Variants in HDAC9 observed in about 807,000 individuals in gnomAD.
The protein encoded by HDAC9 is MEF-2 interacting transcription repressor (MITR) protein.
In HDAC9, 41 loss-of-function variants were observed where a neutral mutation model predicts 139.4. The observed-to-expected ratio is 0.29, with a 90% CI of 0.23 to 0.38. HDAC9 has a LOEUF of 0.38. Among genes scored for constraint, HDAC9 ranks in the 10% least tolerant of loss-of-function variants. The pLI is 1.00. For missense variants in HDAC9, 1,147 were observed against 1,297.0 expected, an observed-to-expected ratio of 0.88 and a Z score of 1.78; for synonymous variants, 517 against 476.2, an observed-to-expected ratio of 1.09 and a Z score of -1.12.
At chr7:18,539,238 G>A (rs1172843762) in intron 2 of HDAC9, among the ~76,000 whole-genome samples, 3 of 152,136 alleles carry the variant, frequency 2.0e-5, no homozygotes, top group African/African-American at 7.2e-5. Flanking sequence ...GTGATAGGAA[G>A]GGCACTTCAC....
chr7:18,133,684 G>A (rs1584242065), intron 1 of HDAC9, among the ~76,000 whole-genome samples: 2 of 152,102 alleles, frequency 1.3e-5, no homozygotes, highest in East Asian at 1.9e-4. Context: ...ATTTAAAATG[G>A]CACTTGAGAC....
At chr7:18,578,788 T>C (rs1826846698) in intron 2 of HDAC9, among the ~76,000 whole-genome samples, 1 of 152,210 alleles carries the variant, frequency 6.6e-6, no homozygotes, top group Admixed American at 6.5e-5. Context: ...TGTGCTACTC[T>C]TGGATCTTCA....
At chr7:18,795,599 A>G (rs997840235) in intron 17 of HDAC9, among the ~76,000 whole-genome samples, 5 of 152,310 alleles carry the variant, frequency 3.3e-5, no homozygotes, top group African/African-American at 1.2e-4. Context: ...GTCCATTGTA[A>G]AAGTCCAAGA....
chr7:18,832,209 A>G (rs1005820719), intron 19 of HDAC9, among the ~76,000 whole-genome samples: 3 of 152,206 alleles, frequency 2.0e-5, no homozygotes, highest in African/African-American at 7.2e-5. Flanking sequence ...GGTAGCTTTT[A>G]GGTAATGTGA....
intron 1 of HDAC9, among the ~76,000 whole-genome samples, chr7:18,424,212 G>A (rs769486540): frequency 4.6e-5 from 7 of 152,280 alleles, no homozygotes; most frequent in Non-Finnish European, 8.8e-5. Context: ...AATCAACTGA[G>A]TTATTTTTGA....
At chr7:18,331,869 C>A (rs961473264) in intron 1 of HDAC9, among the ~76,000 whole-genome samples, 1 of 151,490 alleles carries the variant, frequency 6.6e-6, no homozygotes, top group Non-Finnish European at 1.5e-5. Flanking sequence ...TAAACAATAT[C>A]ACCTCCAAAC....
At chr7:18,616,619 A>G (rs1214857679) in intron 6 of HDAC9, among the ~76,000 whole-genome samples, 3 of 152,244 alleles carry the variant, frequency 2.0e-5, no homozygotes, top group Non-Finnish European at 2.9e-5. Context: ...TGAATTACCA[A>G]TAACGTTCCA....
At chr7:18,879,050 C>CCAT (rs1232173877) in intron 22 of HDAC9, among the ~76,000 whole-genome samples, 1 of 152,034 alleles carries the variant, frequency 6.6e-6, no homozygotes, top group Non-Finnish European at 1.5e-5. Flanking sequence ...AAAGGCAATC[C>CCAT]CATTCACAAC....
At chr7:18,561,227 T>C (rs1039260213) in intron 2 of HDAC9, among the ~76,000 whole-genome samples, 41 of 152,324 alleles carry the variant, frequency 2.7e-4, no homozygotes, top group African/African-American at 8.2e-4. Context: ...ATAGTATGTA[T>C]TGAATTTAAA....
chr7:18,088,952 T>C (rs1344704730), intron 1 of HDAC9, among the ~76,000 whole-genome samples: 1 of 152,250 alleles, frequency 6.6e-6, no homozygotes, highest in East Asian at 1.9e-4. Flanking sequence ...CAGCATTTTC[T>C]TAGAATATGC....
intron 22 of HDAC9, among the ~76,000 whole-genome samples, chr7:18,879,558 G>A (rs1378641114): frequency 6.6e-6 from 1 of 152,012 alleles, no homozygotes; most frequent in Non-Finnish European, 1.5e-5. Flanking sequence ...ACAAGCAATG[G>A]GGAGAAGACT....
Position 18,449,312 on chromosome 7 carries a change from A to G in HDAC9, c.-41-46950A>G, listed in dbSNP as rs149398507. ...ATGAAAAAGAATGAGCCATTGTTAC[A>G]TACAATAATATTGGTTTACCTTACA... On this transcript the variant is annotated intron_variant, in intron 1 of 3. Coordinates refer to the HDAC9 transcript ENST00000413509. Among the ~76,000 whole-genome samples, 1,118 of 152,318 alleles carry G rather than the reference A, an allele frequency of 7.3e-3. 12 individuals are homozygous for G. Among genetic ancestry groups the G allele is most frequent in the Admixed American group, 0.012 (179 of 15,290 alleles).
chr7:18,313,529 A>G (rs1339614953), intron 1 of HDAC9, among the ~76,000 whole-genome samples: 1 of 152,182 alleles, frequency 6.6e-6, no homozygotes, highest in Non-Finnish European at 1.5e-5. Context: ...GGAACACACT[A>G]GTCAGATACT....
chr7:18,118,905 G>A (rs1162102969), intron 1 of HDAC9, among the ~76,000 whole-genome samples: 1 of 152,166 alleles, frequency 6.6e-6, no homozygotes, highest in Non-Finnish European at 1.5e-5. Flanking sequence ...CCTGAAAAGT[G>A]GCATGCTGAA....
chr7:18,839,617 C>T (rs1796459214), intron 21 of HDAC9, among the ~76,000 whole-genome samples: 1 of 152,034 alleles, frequency 6.6e-6, no homozygotes, highest in African/African-American at 2.4e-5. Context: ...TTAAGCGAAC[C>T]TAGCAAAAGT....
At chr7:18,869,413 C>G (rs34018423) in intron 21 of HDAC9, among the ~76,000 whole-genome samples, 1,862 of 152,134 alleles carry the variant, frequency 0.012, 14 homozygotes, top group African/African-American at 0.017. Context: ...CTTCTTCTCT[C>G]TCTTCCTCCT....
chr7:18,265,468 C>G (rs1239919355), intron 2 of HDAC9, among the ~76,000 whole-genome samples: 1 of 152,068 alleles, frequency 6.6e-6, no homozygotes, highest in African/African-American at 2.4e-5. Context: ...AAGCATGTGG[C>G]TAGAAAACAC....
intron 12 of HDAC9, among the ~76,000 whole-genome samples, chr7:18,689,013 G>T (rs1329684234): frequency 6.6e-6 from 1 of 151,842 alleles, no homozygotes; most frequent in African/African-American, 2.4e-5. Flanking sequence ...TAACTTTATT[G>T]CTTCTGAACC....
At chr7:18,614,271 G>T (rs1191692354) in intron 6 of HDAC9, among the ~76,000 whole-genome samples, 1 of 152,084 alleles carries the variant, frequency 6.6e-6, no homozygotes, top group African/African-American at 2.4e-5. Context: ...AAGTGTAACA[G>T]ATTTGGAAGT....
Sources: gnomAD v4.1 joint callset for allele counts (sites outside exome capture counted in the v4.1 genomes callset) on GRCh38, gnomAD v4.1.1 for gene constraint, MANE v1.5 for transcripts, NCBI Gene and HGNC (gene_info 2026-07-23, HGNC 2026-07-21) for gene names.